The following TMEM132C variants were observed in gnomAD, a reference collection of about 807,000 sequenced individuals.
TMEM132C encodes protein phosphatase 1, regulatory subunit 152.
TMEM132C carries 29 observed loss-of-function variants against 61.4 expected under a neutral mutation model. That is an observed-to-expected ratio of 0.47 (90% CI 0.35 to 0.64). TMEM132C has a LOEUF of 0.64. TMEM132C is among the 30% of genes least tolerant of loss of function. The pLI, the probability that TMEM132C is intolerant of heterozygous loss-of-function variation, is 0.00. For synonymous variants in TMEM132C, 656 were observed against 633.1 expected (o/e 1.04, Z -0.54); for missense variants, 1,408 against 1,476.9 (o/e 0.95, Z 0.76).
intron 1 of TMEM132C, among the ~76,000 whole-genome samples, chr12:128,341,388 G>A (rs1872973903): frequency 6.6e-6 from 1 of 152,180 alleles, no homozygotes; most frequent in Non-Finnish European, 1.5e-5. Flanking sequence ...AAAGTAGTCT[G>A]TTGATGTAAA....
At chr12:128,488,652 C>T (rs1237912956) in intron 2 of TMEM132C, among the ~76,000 whole-genome samples, 1 of 151,508 alleles carries the variant, frequency 6.6e-6, no homozygotes, top group African/African-American at 2.4e-5. Context: ...TAGATCATGA[C>T]TCCATCTCAA....
chr12:128,629,672 G>A (rs1264639695), intron 4 of TMEM132C, among the ~76,000 whole-genome samples: 1 of 151,976 alleles, frequency 6.6e-6, no homozygotes, highest in African/African-American at 2.4e-5. Context: ...ACTGAATTCT[G>A]CATTTTAAAA....
In TMEM132C at chr12:128,705,144, G is replaced by A. The variant is rs1477409490; in HGVS notation, c.2176G>A (p.Asp726Asn). ...QFSDGSVTPLDIYDTKDFSLA... is the reference protein window; with the variant it reads ...QFSDGSVTPLNIYDTKDFSLA... ...CAGTGATGGCTCTGTGACGCCCCTGGACATCTACGACACCAAGGACTTCTC... is the reference window on the plus strand; with the variant it reads ...CAGTGATGGCTCTGTGACGCCCCTGAACATCTACGACACCAAGGACTTCTC... Residue 726 changes from aspartate to asparagine, a missense_variant, in exon 9 of 9, where the codon GAC (aspartate) becomes AAC (asparagine). Asp to Asn is a conservative substitution (Grantham distance 23). Coordinates refer to ENST00000435159, the MANE Select transcript of TMEM132C (RefSeq NM_001136103.3). The A allele has an allele frequency of 5.8e-6, 9 of 1,551,352 alleles. No individual in the cohort carries two copies. Among genetic ancestry groups the A allele is most frequent in the Admixed American group, 2.0e-5 (1 of 50,972 alleles).
At position 128,501,088 on chromosome 12, in the gene TMEM132C, C is replaced by T. The variant is rs536510544; in HGVS notation, c.975-42869C>T. On this transcript the variant is annotated intron_variant, in intron 2 of 8. Transcript: ENST00000435159. ...CGTGCAATAAGCCAGACACAGAAGA[C>T]GAAATATTGTATGACTTCTCACCTT... 1.5e-3 allele frequency among the ~76,000 whole-genome samples: 234 copies of T among 152,260 alleles called. 2 individuals carry two copies. The highest frequency in any genetic ancestry group is 7.7e-3 in the Admixed American group (118 of 15,294).
At chr12:128,530,980 C>A (rs765944770) in intron 2 of TMEM132C, among the ~76,000 whole-genome samples, 8 of 152,116 alleles carry the variant, frequency 5.3e-5, no homozygotes, top group Non-Finnish European at 8.8e-5. Flanking sequence ...GCCAGAACAC[C>A]ACTGGTTGGT....
rs1870328042 is a variant in TMEM132C at position 128,267,171 on chromosome 12, A to G, written c.-232A>G. On this transcript the variant is annotated 5_prime_UTR_variant, in exon 1 of 9. Transcript: ENST00000435159. ...GCGGAGGCTGCGGAGGCTGCGGGAG[A>G]AAAGTTGTCCCGGCCGGAGCGCGAG... Among the ~76,000 whole-genome samples, 1 of 141,438 alleles carries G rather than the reference A, an allele frequency of 7.1e-6. No individual in the cohort carries two copies. The highest frequency in any genetic ancestry group is 2.2e-4 in the South Asian group (1 of 4,562). The allele number at this position is 141,438 out of a possible 152,430, so 92.8% of individuals were successfully genotyped here.
intron 1 of TMEM132C, among the ~76,000 whole-genome samples, chr12:128,355,988 G>A (rs1281425895): frequency 1.3e-5 from 2 of 152,088 alleles, no homozygotes; most frequent in African/African-American, 4.8e-5. Flanking sequence ...GGTCATCTCT[G>A]TGTGGTTAGG....
At chr12:128,361,552 G>A (rs1873708913) in intron 1 of TMEM132C, among the ~76,000 whole-genome samples, 1 of 152,178 alleles carries the variant, frequency 6.6e-6, no homozygotes, top group South Asian at 2.1e-4. Flanking sequence ...TTGTAATTGG[G>A]AAAAGAGTAC....
At chr12:128,603,892 G>A (rs1389760693) in intron 3 of TMEM132C, among the ~76,000 whole-genome samples, 1 of 152,184 alleles carries the variant, frequency 6.6e-6, no homozygotes, top group Non-Finnish European at 1.5e-5. Flanking sequence ...ATGTCCTTAA[G>A]GAAAGGACTC....
intron 3 of TMEM132C, among the ~76,000 whole-genome samples, chr12:128,561,562 T>C (rs1398975525): frequency 6.6e-6 from 1 of 152,246 alleles, no homozygotes; most frequent in Admixed American, 6.5e-5. Flanking sequence ...TTCTAAGCAG[T>C]GGGCATATTA....
intron 4 of TMEM132C, among the ~76,000 whole-genome samples, 156 bp downstream of exon 4, chr12:128,616,491 C>T (rs998225836): frequency 2.6e-5 from 4 of 152,224 alleles, no homozygotes; most frequent in Non-Finnish European, 2.9e-5. Context: ...TGTTACTTTT[C>T]ATGAGCCTGG....
At chr12:128,564,453 G>A (rs781426848) in intron 3 of TMEM132C, among the ~76,000 whole-genome samples, 2 of 152,148 alleles carry the variant, frequency 1.3e-5, no homozygotes, top group Non-Finnish European at 2.9e-5. Context: ...CTGGCCTGGG[G>A]AGCGTCAAGG....
At chr12:128,547,962 A>ACATGACCGCTCACCCCTGTTGATCCCC (rs1461232208) in intron 3 of TMEM132C, among the ~76,000 whole-genome samples, 3 of 152,178 alleles carry the variant, frequency 2.0e-5, no homozygotes, top group African/African-American at 4.8e-5. Flanking sequence ...CCCTTTGCCC[A>ACATGACCGCTCACCCCTGTTGATCCCC]CATGACCGCT....
At chr12:128,461,895 C>T (rs1870544761) in intron 2 of TMEM132C, among the ~76,000 whole-genome samples, 1 of 152,146 alleles carries the variant, frequency 6.6e-6, no homozygotes, top group South Asian at 2.1e-4. Context: ...AAAAAGGCTT[C>T]TCAGGCAGAG....
chr12:128,411,024 T>C (rs577043078), intron 1 of TMEM132C, among the ~76,000 whole-genome samples: 1 of 152,306 alleles, frequency 6.6e-6, no homozygotes, highest in Admixed American at 6.5e-5. Flanking sequence ...CATTTCCTCA[T>C]GATTAGATGC....
chr12:128,370,741 G>C (rs536103994), intron 1 of TMEM132C, among the ~76,000 whole-genome samples: 1 of 152,208 alleles, frequency 6.6e-6, no homozygotes, highest in African/African-American at 2.4e-5. Flanking sequence ...CCAAGGCTCA[G>C]AGAAAGGCAG....
chr12:128,538,078 A>G (rs913011486), intron 2 of TMEM132C, among the ~76,000 whole-genome samples: 2 of 151,756 alleles, frequency 1.3e-5, no homozygotes, highest in African/African-American at 2.4e-5. Flanking sequence ...CTACAGGCAC[A>G]CTCTGTCATA....
At position 128,619,380 on chromosome 12, in the gene TMEM132C, G is replaced by C. The variant is rs546202366; in HGVS notation, c.1305+3045G>C. On this transcript the variant is annotated intron_variant, in intron 4 of 8. Transcript: ENST00000435159. ...GCCACAGCATTCCCCGTCACCTACTGCCTCTGACTCCCCCTGAGTAAATGC... is the reference window on the plus strand; with the variant it reads ...GCCACAGCATTCCCCGTCACCTACTCCCTCTGACTCCCCCTGAGTAAATGC... Among the ~76,000 whole-genome samples the C allele has an allele frequency of 2.0e-5, 3 of 152,286 alleles. No individual in the cohort carries two copies. The South Asian group carries it at 6.2e-4, about 32-fold the overall frequency.
At chr12:128,310,886 G>T (rs1429447194) in intron 1 of TMEM132C, among the ~76,000 whole-genome samples, 1 of 152,126 alleles carries the variant, frequency 6.6e-6, no homozygotes. Context: ...GAATTTAAAT[G>T]TTCCCAGAAT....
Sources: allele counts gnomAD v4.1 joint callset (sites outside exome capture counted in the v4.1 genomes callset), GRCh38; gene constraint gnomAD v4.1.1; transcripts MANE v1.5; gene names NCBI Gene and HGNC (gene_info 2026-07-23, HGNC 2026-07-21).